Variants in CNOT1 observed in about 807,000 individuals in gnomAD.
CNOT1 encodes CCR4-NOT transcription complex subunit 1.
A neutral mutation model predicts 273.8 loss-of-function variants in CNOT1; 15 were observed. The observed-to-expected ratio is 0.05, with a 90% CI of 0.04 to 0.08. The LOEUF is 0.08. Among genes scored for constraint, CNOT1 ranks in the 10% least tolerant of loss-of-function variants. The pLI, the probability that CNOT1 is intolerant of heterozygous loss-of-function variation, is 1.00. For missense variants in CNOT1, 1,644 were observed against 2,912.2 expected, an observed-to-expected ratio of 0.56 and a Z score of 10.02; for synonymous variants, 1,022 against 1,005.5, an observed-to-expected ratio of 1.02 and a Z score of -0.31.
At chr16:58,569,398 T>A (rs2041182524) in intron 16 of CNOT1, among the ~76,000 whole-genome samples, 1 of 152,034 alleles carries the variant, frequency 6.6e-6, no homozygotes, top group Admixed American at 6.6e-5. Context: ...CTGCTGGGAT[T>A]ATAGGCTGAA....
chr16:58,524,538 T>C (rs975259344), intron 46 of CNOT1, among the ~76,000 whole-genome samples: 1 of 152,108 alleles, frequency 6.6e-6, no homozygotes, highest in Admixed American at 6.6e-5. Context: ...ATCCCACATA[T>C]AGGCATGCAG....
At chr16:58,581,278 G>A (rs1597503096) in intron 11 of CNOT1, 67 bp downstream of exon 11, 2 of 1,498,754 alleles carry the variant, frequency 1.3e-6, no homozygotes, top group Non-Finnish European at 1.8e-6. Context: ...TCAATGGGTA[G>A]ATGGCACTAC....
At chr16:58,613,186 C>T (rs2042957450) in intron 1 of CNOT1, among the ~76,000 whole-genome samples, 1 of 152,084 alleles carries the variant, frequency 6.6e-6, no homozygotes, top group Non-Finnish European at 1.5e-5. Flanking sequence ...CATGCGCCAA[C>T]ACGCCCAGCT....
chr16:58,597,777 G>T, intron 2 of CNOT1: 1 of 496,390 alleles, frequency 2.0e-6, no homozygotes, highest in Non-Finnish European at 4.0e-6. Context: ...AGGGGCCCAA[G>T]GCTCTGATAA....
chr16:58,549,281 C>T (rs1295408754), intron 25 of CNOT1, among the ~76,000 whole-genome samples: 3 of 111,176 alleles, frequency 2.7e-5, no homozygotes, highest in Non-Finnish European at 5.2e-5. Flanking sequence ...AGTGAGACCA[C>T]ATCTCAAAAA....
chr16:58,599,050 CAAAAAAAAAAAAA>C (rs55921701), intron 2 of CNOT1, 173 bp downstream of exon 2: 4 of 308,484 alleles, frequency 1.3e-5, no homozygotes, highest in South Asian at 1.1e-4. Context: ...GACTCTGTCT[CAAAAAAAAAAAAA>C]AAAAAAAGAT....
intron 24 of CNOT1, 82 bp downstream of exon 24, chr16:58,551,050 A>G: frequency 6.4e-7 from 1 of 1,560,316 alleles, no homozygotes; most frequent in Non-Finnish European, 8.6e-7. Context: ...CTTTAAAGTG[A>G]GTATGTAAAA....
At chr16:58,601,403 C>A (rs970525531) in intron 1 of CNOT1, among the ~76,000 whole-genome samples, 3 of 152,070 alleles carry the variant, frequency 2.0e-5, no homozygotes, top group African/African-American at 7.2e-5. Context: ...AGCCACAACA[C>A]CCATTTTTTA....
chr16:58,622,916 G>A (rs899536828), intron 1 of CNOT1, among the ~76,000 whole-genome samples: 4 of 151,554 alleles, frequency 2.6e-5, no homozygotes, highest in African/African-American at 9.7e-5. Context: ...AAATCCTTTT[G>A]GCTGGGTGCA....
chr16:58,586,922 G>T (rs1021469839), intron 6 of CNOT1, among the ~76,000 whole-genome samples, 174 bp from the exon 7 acceptor site: 2 of 152,184 alleles, frequency 1.3e-5, no homozygotes, highest in African/African-American at 4.8e-5. Context: ...GACTGGCAGT[G>T]GGGAGGGGAA....
intron 16 of CNOT1, among the ~76,000 whole-genome samples, chr16:58,569,437 G>A (rs7184936): frequency 0.88 from 133,997 of 151,732 alleles, 59,437 homozygotes; most frequent in African/African-American, 0.97. Flanking sequence ...TACAGAACAC[G>A]TTTAAAAGAA....
intron 44 of CNOT1, 22 bp from the exon 45 acceptor site, chr16:58,526,160 A>C: frequency 6.2e-7 from 1 of 1,612,740 alleles, no homozygotes. Context: ...AAAATGCAAG[A>C]ATCACAAGCA....
Position 58,585,312 on chromosome 16 carries a change from G to A in CNOT1, c.806+26C>T, listed in dbSNP as rs575738096. 3 of 1,611,752 alleles carry A rather than the reference G, an allele frequency of 1.9e-6. No individual in the cohort carries two copies. The South Asian group carries it at 3.3e-5, about 18-fold the overall frequency. On this transcript the variant is annotated intron_variant, in intron 8 of 48. Transcript: ENST00000317147. ...ATCATGTTTGGCACAAGAATAATCA[G>A]AAGCTTAACACATTTTACTACCAAC...
chr16:58,532,375 T>G lies in CNOT1; in HGVS notation c.5916A>C (p.Gly1972=), dbSNP rs1567388962. 15 of 1,614,106 alleles carry G rather than the reference T, an allele frequency of 9.3e-6. No individual in the cohort carries two copies. Among genetic ancestry groups the G allele is most frequent in the Non-Finnish European group, 1.3e-5 (15 of 1,180,000 alleles). Residue 1972 remains glycine, a synonymous_variant, in exon 41 of 49, where the codon GGA becomes GGC. Coordinates refer to ENST00000317147, the MANE Select transcript of CNOT1 (RefSeq NM_016284.5). ...LLNKVLGIVV[G]VLLQDHDVRQ... ...GAACATCATGATCCTGAAGGAGAAC[T>G]CCCACTACTATACCAAGGACCTACG...
intron 34 of CNOT1, 94 bp from the exon 35 acceptor site, chr16:58,540,053 A>G: frequency 2.4e-6 from 3 of 1,266,860 alleles, no homozygotes; most frequent in Non-Finnish European, 3.2e-6. Flanking sequence ...TAGTATGTTT[A>G]CTCCCTTTTT....
chr16:58,585,286 C>T, intron 8 of CNOT1, 52 bp downstream of exon 8: 1 of 1,599,930 alleles, frequency 6.3e-7, no homozygotes, highest in Non-Finnish European at 8.5e-7. Flanking sequence ...TAAAGAATTA[C>T]ATCATGTTTG....
At chr16:58,532,436 A>T in intron 40 of CNOT1, 41 bp from the exon 41 acceptor site, 1 of 1,598,038 alleles carries the variant, frequency 6.3e-7, no homozygotes, top group South Asian at 1.1e-5. Flanking sequence ...TCATTCAGAT[A>T]ATCCACTCAC....
rs774368006 is a variant in CNOT1, at chr16:58,555,430, C to T, written c.2712G>A (p.Gln904=). Residue 904 remains glutamine, a synonymous_variant, in exon 21 of 49, where the codon CAG becomes CAA. Coordinates refer to ENST00000317147, the MANE Select transcript of CNOT1 (RefSeq NM_016284.5). ...NLFEEYRFFP[Q]YPDKELHITA... is the part of the protein sequence containing the mutation. ...TTATATGTAACTCTTTATCAGGATA[C>T]TGGGGAAAAAAACGATATTCTTCAA... The T allele has an allele frequency of 3.1e-6, 5 of 1,614,000 alleles. No homozygotes were observed. In the South Asian group the frequency reaches 3.3e-5, roughly 11 times the overall value.
intron 1 of CNOT1, among the ~76,000 whole-genome samples, chr16:58,627,632 T>C (rs1333283445): frequency 6.6e-6 from 1 of 151,612 alleles, no homozygotes; most frequent in African/African-American, 2.4e-5. Context: ...GAGACTAGGA[T>C]CTAAACCCCG....
Sources: gnomAD v4.1 joint callset for allele counts (sites outside exome capture counted in the v4.1 genomes callset) on GRCh38, gnomAD v4.1.1 for gene constraint, MANE v1.5 for transcripts, NCBI Gene and HGNC (gene_info 2026-07-23, HGNC 2026-07-21) for gene names.